ZNF678: variants seen among roughly 807,000 people sequenced by gnomAD.
ZNF678 encodes the protein zinc finger protein 678.
A neutral mutation model predicts 3.0 loss-of-function variants in ZNF678; 5 were observed. That is an observed-to-expected ratio of 1.69 (90% CI 0.88 to 3.56). The LOEUF (loss-of-function observed/expected upper bound fraction) is 3.56, where lower values mean the gene tolerates loss of function less well. Ranked by LOEUF, ZNF678 falls within the 30% of genes most tolerant of loss-of-function variation. The pLI is 0.00. For synonymous variants in ZNF678, 218 were observed against 199.6 expected, an observed-to-expected ratio of 1.09 and a Z score of -0.78; for missense variants, 593 against 605.0, an observed-to-expected ratio of 0.98 and a Z score of 0.21.
chr1:227,570,995 T>A (rs1247412438), intron 1 of ZNF678, among the ~76,000 whole-genome samples: 1 of 152,156 alleles, frequency 6.6e-6, no homozygotes, highest in African/African-American at 2.4e-5. Context: ...CCCAAATTTT[T>A]ATTTTATCAG....
At chr1:227,593,565 A>C (rs1571872200) in intron 1 of ZNF678, among the ~76,000 whole-genome samples, 1 of 152,086 alleles carries the variant, frequency 6.6e-6, no homozygotes, top group East Asian at 1.9e-4. Flanking sequence ...GCCCAGTCTG[A>C]GGAGGGTCAG....
chr1:227,664,668 C>T (rs1172164385), downstream of ZNF678, among the ~76,000 whole-genome samples: 1 of 152,112 alleles, frequency 6.6e-6, no homozygotes, highest in Non-Finnish European at 1.5e-5. Flanking sequence ...CTCTCTTGAG[C>T]ATTTCCTACT....
intron 1 of ZNF678, among the ~76,000 whole-genome samples, chr1:227,564,749 T>C (rs1656625100): frequency 6.6e-6 from 1 of 152,226 alleles, no homozygotes; most frequent in South Asian, 2.1e-4. Flanking sequence ...GTTTTTTCTT[T>C]AAGAAGGAGT....
At chr1:227,571,273 T>C (rs1178318615) in intron 1 of ZNF678, among the ~76,000 whole-genome samples, 1 of 152,236 alleles carries the variant, frequency 6.6e-6, no homozygotes, top group Non-Finnish European at 1.5e-5. Flanking sequence ...CTGGTCTTCA[T>C]AGATGCACAG....
chr1:227,586,921 C>T (rs1203004570), intron 1 of ZNF678, among the ~76,000 whole-genome samples: 1 of 152,224 alleles, frequency 6.6e-6, no homozygotes, highest in African/African-American at 2.4e-5. Context: ...GCTCCACTTA[C>T]AGTCTCCCTG....
chr1:227,590,559 C>T (rs2313220), intron 1 of ZNF678, among the ~76,000 whole-genome samples: 2,572 of 151,724 alleles, frequency 0.017, 101 homozygotes, highest in South Asian at 0.058. Flanking sequence ...TTCAGGAGGC[C>T]GTTTATCATC....
At chr1:227,567,297 A>G (rs1656714229) in intron 1 of ZNF678, among the ~76,000 whole-genome samples, 1 of 152,206 alleles carries the variant, frequency 6.6e-6, no homozygotes, top group Non-Finnish European at 1.5e-5. Flanking sequence ...ACTGTCTTTG[A>G]GTGATTTTGC....
chr1:227,570,137 A>T lies in ZNF678; in HGVS notation c.-164+6413A>T, dbSNP rs553228375. On this transcript the variant is annotated intron_variant, in intron 1 of 3. Coordinates refer to ENST00000343776, the MANE Select transcript of ZNF678 (RefSeq NM_001367909.1). ...CAGGGCTTTCTGTGGAGCAGGCACT[A>T]GGGCAGGGTTCTGCTATATGGTGGG... Among the ~76,000 whole-genome samples, 36 of 152,346 alleles carry T rather than the reference A, an allele frequency of 2.4e-4. No individual in the cohort carries two copies. In the East Asian group the frequency reaches 5.2e-3, roughly 22 times the overall value.
intron 1 of ZNF678, chr1:227,598,920 C>T (rs1296483786): frequency 2.7e-6 from 2 of 743,984 alleles, no homozygotes; most frequent in African/African-American, 1.7e-5. Flanking sequence ...AACAATTTCT[C>T]CCTGTCTCTT....
downstream of ZNF678, among the ~76,000 whole-genome samples, chr1:227,677,685 CAG>C (rs1207584387): frequency 6.6e-6 from 1 of 152,178 alleles, no homozygotes; most frequent in Non-Finnish European, 1.5e-5. Context: ...TTTAGAAAAT[CAG>C]AGACAGTTCT....
intron 1 of ZNF678, among the ~76,000 whole-genome samples, chr1:227,612,800 AC>A (rs1658052687): frequency 6.6e-6 from 1 of 152,032 alleles, no homozygotes; most frequent in Non-Finnish European, 1.5e-5. Context: ...TTTATTGCCC[AC>A]CCCAACAAAG....
intron 1 of ZNF678, among the ~76,000 whole-genome samples, chr1:227,601,249 T>A (rs892279143): frequency 6.6e-6 from 1 of 152,046 alleles, no homozygotes; most frequent in Non-Finnish European, 1.5e-5. Context: ...CAGTCTTTTT[T>A]AAAAAAAAGT....
chr1:227,569,170 TG>T (rs1656772731), intron 1 of ZNF678, among the ~76,000 whole-genome samples: 1 of 152,194 alleles, frequency 6.6e-6, no homozygotes, highest in Admixed American at 6.5e-5. Context: ...GTAAAGTTTT[TG>T]TAGAGACAGG....
chr1:227,633,380 T>G (rs1241945628), intron 1 of ZNF678, among the ~76,000 whole-genome samples: 1 of 152,226 alleles, frequency 6.6e-6, no homozygotes, highest in African/African-American at 2.4e-5. Context: ...GATGATTGAC[T>G]ATTTCTTTAC....
Position 227,658,098 on chromosome 1 carries a change from TTTTA to T in ZNF678, c.*2275_*2278del, listed in dbSNP as rs1659297186. ...ATTCTACAATATGTGTGTTACTACA[TTTTA>T]TTTAATTAGTATATTTTATTTTTGT... On this transcript the variant is annotated 3_prime_UTR_variant, in exon 4 of 4. Transcript: ENST00000343776. 1.3e-5 allele frequency: 2 copies of T among 152,100 alleles called. No individual in the cohort carries two copies. Among genetic ancestry groups the T allele is most frequent in the South Asian group, 4.1e-4 (2 of 4,836 alleles). 9.4% of individuals were successfully genotyped at this position (152,100 alleles called of 1,614,324 possible).
At chr1:227,619,669 G>A (rs753476701) in intron 1 of ZNF678, among the ~76,000 whole-genome samples, 1 of 151,964 alleles carries the variant, frequency 6.6e-6, no homozygotes, top group African/African-American at 2.4e-5. Context: ...CGCCCACCAC[G>A]ACTGGCTAAT....
At chr1:227,674,682 A>T (rs1659653349) in intron 5 of ZNF678, among the ~76,000 whole-genome samples, 1 of 150,114 alleles carries the variant, frequency 6.7e-6, no homozygotes, top group Admixed American at 6.7e-5. Context: ...GGCTCACTGC[A>T]AACTCTGCCT....
downstream of ZNF678, among the ~76,000 whole-genome samples, chr1:227,663,346 G>T (rs1211279677): frequency 6.6e-6 from 1 of 152,198 alleles, no homozygotes; most frequent in Non-Finnish European, 1.5e-5. Flanking sequence ...AGCATTGAAA[G>T]GCTGAACCAC....
chr1:227,575,590 T>C (rs1184964942), intron 1 of ZNF678, among the ~76,000 whole-genome samples: 6 of 152,200 alleles, frequency 3.9e-5, no homozygotes, highest in Non-Finnish European at 7.3e-5. Context: ...CACACGTTGA[T>C]TTTGTATCCT....
Sources: allele counts gnomAD v4.1 joint callset (sites outside exome capture counted in the v4.1 genomes callset), GRCh38; gene constraint gnomAD v4.1.1; transcripts MANE v1.5; gene names NCBI Gene and HGNC (gene_info 2026-07-23, HGNC 2026-07-21).